The following SPNS3 variants were observed in gnomAD, a reference collection of about 807,000 sequenced individuals.
SPNS3 encodes SPNS lysolipid transporter 3, sphingosine-1-phosphate (putative).
Under a neutral mutation model 54.4 loss-of-function variants are expected in SPNS3, and 51 were observed. The ratio of observed to expected loss-of-function variants is 0.94; its 90% CI spans 0.75 to 1.18. The LOEUF is 1.18. Among genes scored for constraint, SPNS3 ranks in the 50% most tolerant of loss-of-function variants. The pLI is 0.00. For missense variants in SPNS3, 669 were observed against 677.4 expected, an observed-to-expected ratio of 0.99 and a Z score of 0.14; for synonymous variants, 309 against 294.7, an observed-to-expected ratio of 1.05 and a Z score of -0.50.
intron 6 of SPNS3, 28 bp downstream of exon 6, chr17:4,448,331 G>A: frequency 2.7e-6 from 4 of 1,492,878 alleles, no homozygotes; most frequent in Non-Finnish European, 3.6e-6. Context: ...CCCCTGCAAG[G>A]CACAGAAAAG....
chr17:4,444,515 G>T (rs73338493), intron 2 of SPNS3, among the ~76,000 whole-genome samples: 5 of 151,948 alleles, frequency 3.3e-5, no homozygotes, highest in Non-Finnish European at 7.4e-5. Context: ...GAGCCACCGC[G>T]CCCGGCCCAG....
At chr17:4,469,410 A>G (rs1971795541) in intron 8 of SPNS3, among the ~76,000 whole-genome samples, 1 of 152,140 alleles carries the variant, frequency 6.6e-6, no homozygotes, top group South Asian at 2.1e-4. Context: ...TTAAGAGGCA[A>G]TTGGGCCGGG....
rs1413694695 is a variant in SPNS3 at position 4,458,588 on chromosome 17, C to CCTTCCTTCCTTTCTTTCTTT, written c.1113+5386_1113+5387insCCTTCCTTTCTTTCTTTCTT. Among the ~76,000 whole-genome samples the CCTTCCTTCCTTTCTTTCTTT allele has an allele frequency of 1.3e-3, 75 of 59,332 alleles. 3 individuals are homozygous for CCTTCCTTCCTTTCTTTCTTT. Among genetic ancestry groups the CCTTCCTTCCTTTCTTTCTTT allele is most frequent in the African/African-American group, 4.1e-3 (68 of 16,454 alleles). The allele number at this position is 59,332 out of a possible 152,430, so 38.9% of individuals were successfully genotyped here. A position where few individuals can be genotyped will look rare whatever the true frequency, so the allele number is the denominator to read the frequency against. On this transcript the variant is annotated intron_variant, in intron 8 of 11. Transcript: ENST00000355530. ...TCCCTCCTTTCTTTCTTCCTTCCCT[C>CCTTCCTTCCTTTCTTTCTTT]CTTTCTTTCTTTCTTTCTTTCTTTC...
intron 8 of SPNS3, among the ~76,000 whole-genome samples, chr17:4,476,906 C>A (rs1273272070): frequency 2.0e-5 from 3 of 152,226 alleles, no homozygotes; most frequent in African/African-American, 7.2e-5. Context: ...GGCATGGTGG[C>A]CACATCCCAG....
At chr17:4,444,027 G>A (rs537315282) in intron 2 of SPNS3, among the ~76,000 whole-genome samples, 131 of 152,304 alleles carry the variant, frequency 8.6e-4, no homozygotes, top group African/African-American at 3.1e-3. Flanking sequence ...CTTGAGGCCA[G>A]GAGGCAGAGG....
chr17:4,434,867 C>T (rs1230913230), intron 1 of SPNS3, among the ~76,000 whole-genome samples: 4 of 148,972 alleles, frequency 2.7e-5, no homozygotes, highest in African/African-American at 5.0e-5. Context: ...TGCAGTGGCG[C>T]GATCTCGGCT....
At chr17:4,444,682 G>A (rs557812617) in intron 2 of SPNS3, among the ~76,000 whole-genome samples, 8 of 152,166 alleles carry the variant, frequency 5.3e-5, no homozygotes, top group South Asian at 4.2e-4. Context: ...TTGTAAAGCC[G>A]GGAAACTGGC....
intron 8 of SPNS3, among the ~76,000 whole-genome samples, chr17:4,472,506 A>G (rs962651379): frequency 5.3e-5 from 8 of 152,150 alleles, no homozygotes; most frequent in African/African-American, 1.4e-4. Context: ...GCTCTACAAC[A>G]TGGTTCATTC....
In SPNS3 at chr17:4,446,909, G is replaced by C; in HGVS notation, c.568G>C (p.Val190Leu). Reference sequence around the variant, plus strand: ...CCTTTGTTGCAGTGGTCTGGGCTACGTGCTGGGGTCGGCTGTGACGATGCT... The same window carrying C: ...CCTTTGTTGCAGTGGTCTGGGCTACCTGCTGGGGTCGGCTGTGACGATGCT... ...FIPVGSGLGY[V>L]LGSAVTMLTG... Residue 190 changes from valine (V) to leucine (L), a missense_variant, in exon 5 of 12, where the codon GTG becomes CTG. Transcript: ENST00000355530. 1.2e-6 allele frequency: 2 copies of C among 1,614,112 alleles called. No individual in the cohort carries two copies. Among genetic ancestry groups the C allele is most frequent in the South Asian group, 1.1e-5 (1 of 91,086 alleles).
At position 4,446,926 on chromosome 17, in the gene SPNS3, G is replaced by A. The variant is rs1460051887; in HGVS notation, c.585G>A (p.Val195=). ...TGGGCTACGTGCTGGGGTCGGCTGT[G>A]ACGATGCTGACTGGGAACTGGCGCT... ...SGLGYVLGSA[V]TMLTGNWRWA... is the part of the protein sequence containing the mutation. The change falls in exon 5 of 12, where the codon GTG becomes GTA. Residue 195 remains valine (V), a synonymous_variant. Transcript: ENST00000355530. The A allele has an allele frequency of 6.8e-6, 11 of 1,614,120 alleles. No homozygotes were observed. The highest frequency in any genetic ancestry group is 9.3e-6 in the Non-Finnish European group (11 of 1,180,012).
intron 9 of SPNS3, 84 bp downstream of exon 9, chr17:4,478,721 C>A: frequency 2.1e-6 from 3 of 1,402,492 alleles, no homozygotes; most frequent in Non-Finnish European, 2.0e-6. Flanking sequence ...TGGGCACTGG[C>A]GGCGACATCA....
intron 9 of SPNS3, chr17:4,484,985 T>C (rs1367514326): frequency 1.3e-5 from 2 of 151,996 alleles, no homozygotes; most frequent in South Asian, 2.1e-4. Flanking sequence ...CTGGGAGACA[T>C]GCGTTAATTA....
chr17:4,478,334 C>T (rs575549801), intron 8 of SPNS3, among the ~76,000 whole-genome samples: 1 of 152,144 alleles, frequency 6.6e-6, no homozygotes, highest in African/African-American at 2.4e-5. Flanking sequence ...TCCTCCTGGG[C>T]CCCAGCGAGG....
intron 8 of SPNS3, among the ~76,000 whole-genome samples, chr17:4,476,428 G>A (rs192195616): frequency 4.8e-4 from 73 of 152,320 alleles, no homozygotes; most frequent in African/African-American, 1.7e-3. Flanking sequence ...TGGGGTGGCC[G>A]GGGAGAGCAA....
chr17:4,435,789 A>G (rs1970700220), intron 1 of SPNS3, among the ~76,000 whole-genome samples: 1 of 152,002 alleles, frequency 6.6e-6, no homozygotes, highest in African/African-American at 2.4e-5. Flanking sequence ...ATCAGGGGCC[A>G]GGCGTGGTGG....
intron 8 of SPNS3, among the ~76,000 whole-genome samples, chr17:4,459,004 C>T (rs1022169119): frequency 1.3e-5 from 2 of 152,054 alleles, no homozygotes; most frequent in African/African-American, 4.8e-5. Context: ...TCTTGATTCC[C>T]TAGTCATTCC....
At position 4,446,094 on chromosome 17, in the gene SPNS3, C is replaced by A; in HGVS notation, c.449C>A (p.Ser150Ter). Residue 150 changes from serine to a stop codon, truncating the protein, a stop_gained, in exon 4 of 12, where the codon TCG (serine) becomes TAG (stop). Transcript: ENST00000355530. LOFTEE classifies it high-confidence loss of function. ...TCCCGGGGCATCGTGGGCACTGGCT[C>A]GGCCAGCTACTCCACCATCGCGCCC... ...FLSRGIVGTG[S>*]ASYSTIAPTV... 1 of 1,613,148 alleles carries A rather than the reference C, an allele frequency of 6.2e-7. No individual in the cohort carries two copies. The highest frequency in any genetic ancestry group is 8.5e-7 in the Non-Finnish European group (1 of 1,179,306).
intron 5 of SPNS3, among the ~76,000 whole-genome samples, 187 bp from the exon 6 acceptor site, chr17:4,447,968 G>A (rs1197569854): frequency 6.6e-6 from 1 of 152,162 alleles, no homozygotes; most frequent in African/African-American, 2.4e-5. Flanking sequence ...CAGTGGTGAG[G>A]GCTGAGAAAC....
chr17:4,449,394 G>A lies in SPNS3; in HGVS notation c.923+7G>A, dbSNP rs980733275. ...CGTGCAGCAACCCCGACAGGTGAGGGCATCCGGGGGCCCTGGGCACCTGGC... is the reference window on the plus strand; with the variant it reads ...CGTGCAGCAACCCCGACAGGTGAGGACATCCGGGGGCCCTGGGCACCTGGC... On this transcript the variant is annotated splice_region_variant and intron_variant, in intron 7 of 11. Coordinates refer to ENST00000355530, the MANE Select transcript of SPNS3 (RefSeq NM_182538.5). 3 of 1,574,356 alleles carry A rather than the reference G, an allele frequency of 1.9e-6. No individual in the cohort carries two copies. The highest frequency in any genetic ancestry group is 2.6e-6 in the Non-Finnish European group (3 of 1,168,318).
Sources: gnomAD v4.1 joint callset for allele counts (sites outside exome capture counted in the v4.1 genomes callset) on GRCh38, gnomAD v4.1.1 for gene constraint, MANE v1.5 for transcripts, NCBI Gene and HGNC (gene_info 2026-07-23, HGNC 2026-07-21) for gene names.